Variants in IDO2 observed in about 807,000 individuals in gnomAD.
IDO2 encodes indoleamine 2,3-dioxygenase-like 1 protein.
Under a neutral mutation model 45.1 loss-of-function variants are expected in IDO2, and 46 were observed. The ratio of observed to expected loss-of-function variants is 1.02; its 90% CI spans 0.80 to 1.30. The LOEUF is 1.30. Among genes scored for constraint, IDO2 ranks in the 50% most tolerant of loss-of-function variants. IDO2 has a pLI of 0.00. For missense variants in IDO2, 544 were observed against 491.8 expected, an observed-to-expected ratio of 1.11 and a Z score of -1.00; for synonymous variants, 218 against 184.9, an observed-to-expected ratio of 1.18 and a Z score of -1.45.
chr8:40,003,253 C>T (rs1685311401), intron 8 of IDO2, among the ~76,000 whole-genome samples: 1 of 151,708 alleles, frequency 6.6e-6, no homozygotes, highest in South Asian at 2.1e-4. Flanking sequence ...GCCTGTAGTC[C>T]CAGCTACTCA....
At chr8:39,991,826 C>T (rs1400221638) in intron 8 of IDO2, among the ~76,000 whole-genome samples, 2 of 152,168 alleles carry the variant, frequency 1.3e-5, no homozygotes, top group Non-Finnish European at 2.9e-5. Flanking sequence ...CTACCTTGGC[C>T]TCCCAAAGTG....
chr8:39,955,089 G>A (rs1373975866), intron 2 of IDO2, among the ~76,000 whole-genome samples: 2 of 150,492 alleles, frequency 1.3e-5, no homozygotes, highest in Non-Finnish European at 2.9e-5. Context: ...TATATTTTTA[G>A]GTACTAGGGC....
intron 8 of IDO2, among the ~76,000 whole-genome samples, chr8:40,002,190 G>C (rs1402541815): frequency 6.6e-6 from 1 of 152,130 alleles, no homozygotes; most frequent in Non-Finnish European, 1.5e-5. Context: ...TTATCTGTAA[G>C]TAGTATGAGA....
intron 8 of IDO2, among the ~76,000 whole-genome samples, chr8:40,000,566 A>T (rs575739170): frequency 7.9e-5 from 12 of 152,352 alleles, no homozygotes; most frequent in Admixed American, 2.0e-4. Flanking sequence ...TCATATAGAC[A>T]TAGCACATTT....
intron 6 of IDO2, chr8:39,986,225 AC>A (rs35688749): frequency 6.6e-6 from 1 of 152,304 alleles, no homozygotes; most frequent in Non-Finnish European, 1.5e-5. Context: ...CCTTCAAAAG[AC>A]CTTGTTATTA....
At chr8:39,973,484 A>G (rs1585406414) in intron 3 of IDO2, among the ~76,000 whole-genome samples, 1 of 152,120 alleles carries the variant, frequency 6.6e-6, no homozygotes, top group East Asian at 1.9e-4. Context: ...TAAGTATGTA[A>G]GAAATACTGT....
chr8:39,969,017 C>A (rs189890372), intron 3 of IDO2, among the ~76,000 whole-genome samples: 1 of 151,960 alleles, frequency 6.6e-6, no homozygotes, highest in East Asian at 1.9e-4. Context: ...TGTGTTGTGA[C>A]TAGAATCTAT....
At chr8:39,940,482 G>C (rs1207829810) in intron 1 of IDO2, among the ~76,000 whole-genome samples, 9 of 152,194 alleles carry the variant, frequency 5.9e-5, no homozygotes, top group Non-Finnish European at 1.2e-4. Context: ...ATGAGGTACA[G>C]ATTGATTGTA....
At chr8:39,941,542 A>G (rs779531191) in intron 1 of IDO2, among the ~76,000 whole-genome samples, 10 of 152,170 alleles carry the variant, frequency 6.6e-5, no homozygotes, top group Non-Finnish European at 1.3e-4. Flanking sequence ...GGCAGGACCT[A>G]AGATAGTTAC....
At chr8:40,007,513 G>A (rs955545745) in intron 9 of IDO2, among the ~76,000 whole-genome samples, 1 of 152,082 alleles carries the variant, frequency 6.6e-6, no homozygotes, top group African/African-American at 2.4e-5. Context: ...GTGTGTTTTA[G>A]TATTTAGGCT....
intron 5 of IDO2, among the ~76,000 whole-genome samples, chr8:39,984,787 C>T (rs1407795511): frequency 6.6e-6 from 1 of 151,562 alleles, no homozygotes. Context: ...TCAATGCAGG[C>T]TTTACAAGTC....
exon 11 of IDO2, chr8:40,015,425 C>G: frequency 6.2e-7 from 1 of 1,613,952 alleles, no homozygotes; most frequent in Non-Finnish European, 8.5e-7. Context: ...ATCACATCAC[C>G]ATGGTCACCA....
At chr8:39,941,065 T>C (rs1807634788) in intron 1 of IDO2, among the ~76,000 whole-genome samples, 1 of 150,360 alleles carries the variant, frequency 6.7e-6, no homozygotes, top group Non-Finnish European at 1.5e-5. Flanking sequence ...TTCTAAAAAA[T>C]ACAAAAATTA....
chr8:39,980,234 C>G (rs545873622), intron 4 of IDO2, among the ~76,000 whole-genome samples: 1 of 152,278 alleles, frequency 6.6e-6, no homozygotes, highest in African/African-American at 2.4e-5. Context: ...CCATACCGGC[C>G]CATTTTACAA....
chr8:39,979,686 T>A (rs754843806), intron 4 of IDO2, among the ~76,000 whole-genome samples: 4 of 152,270 alleles, frequency 2.6e-5, no homozygotes, highest in Non-Finnish European at 5.9e-5. Context: ...TTTTTTTATT[T>A]TAATTTTTCT....
In IDO2 at chr8:39,993,992, G is replaced by A. The variant is rs182695731; in HGVS notation, c.667+4154G>A. On this transcript the variant is annotated intron_variant, in intron 8 of 10. Coordinates refer to ENST00000502986, the Ensembl canonical transcript of IDO2. ...ACTGCACTCCAGCCTGGGCGACAGAGTGAGACTCTGTCCCCAAAAAAATAA... is the reference window on the plus strand; with the variant it reads ...ACTGCACTCCAGCCTGGGCGACAGAATGAGACTCTGTCCCCAAAAAAATAA... Among the ~76,000 whole-genome samples, 1,355 of 152,180 alleles carry A rather than the reference G, an allele frequency of 8.9e-3. 29 individuals carry two copies. The highest frequency in any genetic ancestry group is 0.026 in the Admixed American group (396 of 15,282).
chr8:39,997,225 C>T (rs557008008), intron 8 of IDO2, among the ~76,000 whole-genome samples: 1 of 152,170 alleles, frequency 6.6e-6, no homozygotes, highest in South Asian at 2.1e-4. Flanking sequence ...TCCTGAATTA[C>T]AAAAGTGGCA....
chr8:39,975,880 T>A (rs916874346), intron 3 of IDO2, among the ~76,000 whole-genome samples: 5 of 152,164 alleles, frequency 3.3e-5, no homozygotes, highest in African/African-American at 9.6e-5. Flanking sequence ...CATCCAGTAA[T>A]GATGAATGTC....
chr8:39,994,383 T>G (rs1819940), intron 8 of IDO2, among the ~76,000 whole-genome samples: 111,455 of 151,506 alleles, frequency 0.74, 41,237 homozygotes, highest in East Asian at 0.92. Flanking sequence ...TCAGCCTCCC[T>G]AGTAGCTGGG....
Sources: allele counts gnomAD v4.1 joint callset (sites outside exome capture counted in the v4.1 genomes callset), GRCh38; gene constraint gnomAD v4.1.1; transcripts MANE v1.5; gene names NCBI Gene and HGNC (gene_info 2026-07-23, HGNC 2026-07-21).